TAFA1: variants seen among roughly 807,000 people sequenced by gnomAD.
TAFA1 encodes chemokine-like protein TAFA-1.
Under a neutral mutation model 18.5 loss-of-function variants are expected in TAFA1, and 4 were observed. The ratio of observed to expected loss-of-function variants is 0.22; its 90% CI spans 0.11 to 0.49. The LOEUF (loss-of-function observed/expected upper bound fraction) is 0.49, where lower values mean the gene tolerates loss of function less well. Ranked by LOEUF, TAFA1 falls within the 20% of genes least tolerant of loss-of-function variation. TAFA1 has a pLI of 0.98. For synonymous variants in TAFA1, 56 were observed against 55.2 expected (o/e 1.01, Z -0.06); for missense variants, 147 against 169.0 (o/e 0.87, Z 0.72).
chr3:68,185,048 A>G (rs1235333605), intron 2 of TAFA1, among the ~76,000 whole-genome samples: 1 of 152,130 alleles, frequency 6.6e-6, no homozygotes, highest in Non-Finnish European at 1.5e-5. Context: ...TGCCAAGACA[A>G]TTGTCTAAAA....
chr3:68,132,576 C>T lies in TAFA1; in HGVS notation c.118+125832C>T, dbSNP rs559226803. Among the ~76,000 whole-genome samples the T allele has an allele frequency of 5.3e-4, 81 of 152,210 alleles. 2 individuals carry two copies. Among genetic ancestry groups the T allele is most frequent in the Middle Eastern group, 3.4e-3 (1 of 292 alleles). The stretch of plus-strand genomic sequence containing the variant: ...TCTTAATGATCACCATTCTAACTGG[C>T]GTGAGATGGTATCTCACTGTGGTTT... On this transcript the variant is annotated intron_variant, in intron 2 of 4. Transcript: ENST00000478136.
intron 2 of TAFA1, among the ~76,000 whole-genome samples, chr3:68,378,649 G>C (rs1285707637): frequency 6.6e-6 from 1 of 152,106 alleles, no homozygotes; most frequent in Non-Finnish European, 1.5e-5. Flanking sequence ...GGGTCTAAGA[G>C]CAGGATGGTA....
chr3:68,227,518 G>A (rs533972846), intron 2 of TAFA1, among the ~76,000 whole-genome samples: 77 of 152,208 alleles, frequency 5.1e-4, no homozygotes, highest in Non-Finnish European at 1.0e-3. Context: ...CCTGGAAAAT[G>A]AGTACTTCAA....
chr3:68,343,104 T>G (rs1271504742), intron 2 of TAFA1, among the ~76,000 whole-genome samples: 1 of 152,322 alleles, frequency 6.6e-6, no homozygotes, highest in East Asian at 1.9e-4. Flanking sequence ...AGCAACCCAC[T>G]GGCATCATTT....
intron 2 of TAFA1, among the ~76,000 whole-genome samples, chr3:68,159,255 C>T (rs1015005488): frequency 1.3e-5 from 2 of 152,152 alleles, no homozygotes; most frequent in Admixed American, 6.6e-5. Context: ...CCCTCATCGC[C>T]TGATTAGCAG....
chr3:68,028,967 G>C (rs1704875480), intron 2 of TAFA1, among the ~76,000 whole-genome samples: 1 of 151,906 alleles, frequency 6.6e-6, no homozygotes, highest in African/African-American at 2.4e-5. Context: ...TGCCCAGGCT[G>C]TTCTCGAACT....
intron 2 of TAFA1, among the ~76,000 whole-genome samples, chr3:68,086,885 A>G (rs57572400): frequency 0.017 from 2,534 of 152,334 alleles, 73 homozygotes; most frequent in African/African-American, 0.058. Flanking sequence ...CCCCTTGATC[A>G]GGACCATTGA....
At chr3:68,316,516 G>T (rs2068607575) in intron 2 of TAFA1, among the ~76,000 whole-genome samples, 1 of 152,148 alleles carries the variant, frequency 6.6e-6, no homozygotes, top group Non-Finnish European at 1.5e-5. Flanking sequence ...ACTTGCAGTG[G>T]TCCGGGCTTT....
chr3:68,231,356 T>A (rs2066868908), intron 2 of TAFA1, among the ~76,000 whole-genome samples: 1 of 135,716 alleles, frequency 7.4e-6, no homozygotes, highest in Non-Finnish European at 1.6e-5. Context: ...TTTTTTTTTT[T>A]TTTTTTTTTT....
chr3:68,430,190 G>A (rs1406696079), intron 3 of TAFA1, among the ~76,000 whole-genome samples: 1 of 151,930 alleles, frequency 6.6e-6, no homozygotes, highest in African/African-American at 2.4e-5. Flanking sequence ...ATATAAAGGA[G>A]ATTGGGGAAC....
intron 2 of TAFA1, among the ~76,000 whole-genome samples, chr3:68,253,429 A>G (rs2067234150): frequency 1.3e-5 from 2 of 152,178 alleles, no homozygotes; most frequent in African/African-American, 4.8e-5. Flanking sequence ...GCCTACTTCA[A>G]ATCTCACCCA....
At chr3:68,296,812 G>A (rs1228449659) in intron 2 of TAFA1, among the ~76,000 whole-genome samples, 1 of 152,156 alleles carries the variant, frequency 6.6e-6, no homozygotes, top group Non-Finnish European at 1.5e-5. Flanking sequence ...CCCTTAACGA[G>A]CTTGTTATCA....
chr3:68,262,307 GTATATATATATATATATA>G (rs763753757), intron 2 of TAFA1, among the ~76,000 whole-genome samples: 889 of 32,244 alleles, frequency 0.028, 15 homozygotes, highest in Non-Finnish European at 0.038. Flanking sequence ...GATATGGAGG[GTATATATATATATATATA>G]TATATATATA....
chr3:68,240,038 G>A (rs1321531311), intron 2 of TAFA1, among the ~76,000 whole-genome samples: 1 of 152,160 alleles, frequency 6.6e-6, no homozygotes, highest in Non-Finnish European at 1.5e-5. Flanking sequence ...TATTACAGAG[G>A]TAAAGTGATT....
intron 2 of TAFA1, among the ~76,000 whole-genome samples, chr3:68,321,516 T>C (rs79887456): frequency 3.9e-5 from 6 of 152,160 alleles, no homozygotes; most frequent in Admixed American, 3.3e-4. Context: ...TTTTTCAGCT[T>C]TGGCTTTTCT....
chr3:68,370,357 C>CATAT (rs1559637498), intron 2 of TAFA1, among the ~76,000 whole-genome samples: 32 of 62,202 alleles, frequency 5.1e-4, no homozygotes, highest in African/African-American at 1.7e-3. Flanking sequence ...TATATATACA[C>CATAT]ACACACACAC....
At chr3:68,269,710 C>A (rs1401769184) in intron 2 of TAFA1, among the ~76,000 whole-genome samples, 1 of 152,016 alleles carries the variant, frequency 6.6e-6, no homozygotes, top group African/African-American at 2.4e-5. Flanking sequence ...TCACCAGAGG[C>A]CAGGAGTTTG....
intron 2 of TAFA1, among the ~76,000 whole-genome samples, chr3:68,276,901 G>T (rs1027374347): frequency 6.6e-6 from 1 of 152,016 alleles, no homozygotes; most frequent in Admixed American, 6.6e-5. Flanking sequence ...TTCCTATACA[G>T]TTTTAATAAT....
At chr3:68,301,979 T>C (rs189857929) in intron 2 of TAFA1, among the ~76,000 whole-genome samples, 161 of 152,364 alleles carry the variant, frequency 1.1e-3, no homozygotes, top group African/African-American at 3.8e-3. Context: ...AGCTTTTTAG[T>C]CTTAGTTCAT....
Sources: gnomAD v4.1 joint callset for allele counts (sites outside exome capture counted in the v4.1 genomes callset) on GRCh38, gnomAD v4.1.1 for gene constraint, MANE v1.5 for transcripts, NCBI Gene and HGNC (gene_info 2026-07-23, HGNC 2026-07-21) for gene names.